The following TMEM79 variants were observed in gnomAD, a reference collection of about 807,000 sequenced individuals.
The protein encoded by TMEM79 is transmembrane protein 79.
A neutral mutation model predicts 31.2 loss-of-function variants in TMEM79; 30 were observed. That is an observed-to-expected ratio of 0.96 (90% CI 0.72 to 1.30). The LOEUF is 1.30. TMEM79 is among the 50% of genes most tolerant of loss of function. The probability of loss-of-function intolerance (pLI) is 0.00; values close to 1 mark genes in which losing one functional copy is unlikely to be tolerated. For synonymous variants in TMEM79, 213 were observed against 229.5 expected (o/e 0.93, Z 0.65); for missense variants, 509 against 528.2 (o/e 0.96, Z 0.36).
At chr1:156,283,136 C>G, upstream of TMEM79, 2 of 303,368 alleles carry the variant, frequency 6.6e-6, no homozygotes, top group Non-Finnish European at 6.0e-6. Context: ...CTGCCCCTTT[C>G]CCGCCTCCCC....
rs904959261 is a variant in TMEM79, at chr1:156,285,916, C to T, written c.690C>T (p.Pro230=). The change falls in exon 2 of 4, where the codon CCC becomes CCT. Residue 230 remains proline, a synonymous_variant. Transcript: ENST00000405535. ...TGCCGTTTGATGTCCCACGGCTGCC[C>T]ACCATGAGTTCCCGCCTGATCTACA... ...AFLPFDVPRL[P]TMSSRLIYTL... 2 of 1,509,480 alleles carry T rather than the reference C, an allele frequency of 1.3e-6. No homozygotes were observed. The highest frequency in any genetic ancestry group is 2.6e-5 in the East Asian group (1 of 38,914). The allele number at this position is 1,509,480 out of a possible 1,614,324, so 93.5% of individuals were successfully genotyped here.
intron 1 of TMEM79, among the ~76,000 whole-genome samples, 164 bp downstream of exon 1, chr1:156,284,570 A>G (rs1343550880): frequency 6.6e-6 from 1 of 152,172 alleles, no homozygotes; most frequent in Non-Finnish European, 1.5e-5. Context: ...AAATATCAGA[A>G]TAGCAGACCC....
upstream of TMEM79, chr1:156,284,255 G>A (rs1478237106): frequency 1.3e-5 from 2 of 152,174 alleles, no homozygotes; most frequent in Admixed American, 6.5e-5. Flanking sequence ...CCTTTAAGCT[G>A]GGCCCCACCT....
chr1:156,292,062 C>T lies in TMEM79; in HGVS notation c.*464C>T, dbSNP rs1281954286. On this transcript the variant is annotated 3_prime_UTR_variant, in exon 4 of 4. Coordinates refer to ENST00000405535, the MANE Select transcript of TMEM79 (RefSeq NM_032323.3). ...AGCGCCTCAGGGACGCTGGAAATGC[C>T]TTAAGGATAGAGGCTGGGCATCACA... 1.4e-5 allele frequency: 4 copies of T among 277,646 alleles called. No homozygotes were observed. The highest frequency in any genetic ancestry group is 4.7e-5 in the Admixed American group (1 of 21,070). 17.2% of individuals were successfully genotyped at this position (277,646 alleles called of 1,614,324 possible).
Position 156,285,186 on chromosome 1 carries a change from T to G in TMEM79, c.-41T>G. ...GAGCTTTCCTCTGTTCCCTGCAGGA[T>G]GACATGACCTTGTGGTAGATCCCAG... On this transcript the variant is annotated splice_region_variant and 5_prime_UTR_variant, in exon 2 of 4. The change abolishes an upstream ATG in the 5' untranslated region. Coordinates refer to ENST00000405535, the MANE Select transcript of TMEM79 (RefSeq NM_032323.3). 6.6e-7 allele frequency: 1 copy of G among 1,513,660 alleles called. No homozygotes were observed. The highest frequency in any genetic ancestry group is 8.8e-7 in the Non-Finnish European group (1 of 1,132,726). 93.8% of individuals were successfully genotyped at this position (1,513,660 alleles called of 1,614,324 possible). A position where few individuals can be genotyped will look rare whatever the true frequency, so the allele number is the denominator to read the frequency against.
chr1:156,291,879 G>A lies in TMEM79; in HGVS notation c.*281G>A, dbSNP rs1663349519. The A allele has an allele frequency of 6.8e-6, 4 of 590,754 alleles. No homozygotes were observed. In the South Asian group the frequency reaches 8.4e-5, roughly 12 times the overall value. 36.6% of individuals were successfully genotyped at this position (590,754 alleles called of 1,614,324 possible). ...TAAGGATGCTGAGGGCATGGGGCCA[G>A]GACCAGGGGAGAGGCACAGCTCCTT... On this transcript the variant is annotated 3_prime_UTR_variant, in exon 4 of 4. Transcript: ENST00000405535.
In TMEM79 at chr1:156,285,276, C is replaced by G; in HGVS notation, c.50C>G (p.Ser17Cys). 1 of 1,567,684 alleles carries G rather than the reference C, an allele frequency of 6.4e-7. No individual in the cohort carries two copies. The highest frequency in any genetic ancestry group is 8.6e-7 in the Non-Finnish European group (1 of 1,160,968). ...LALLEVKRSD[S>C]PEKSSPQALV... is the part of the protein sequence containing the mutation. ...CTACTGGAAGTGAAGAGGTCTGATT[C>G]CCCAGAGAAGAGCTCACCCCAGGCC... Residue 17 changes from serine (S) to cysteine (C), a missense_variant, in exon 2 of 4, where the codon TCC becomes TGC. Coordinates refer to ENST00000405535, the MANE Select transcript of TMEM79 (RefSeq NM_032323.3).
Position 156,285,677 on chromosome 1 carries a change from G to C in TMEM79, c.451G>C (p.Ala151Pro). Residue 151 changes from alanine to proline, a missense_variant, in exon 2 of 4, where the codon GCA becomes CCA. Transcript: ENST00000405535. ...AGAAGACCTTATCGTGCGCTGTGAGGCAGGCGAGGGCGAGTGCCGAACCTT... is the reference window on the plus strand; with the variant it reads ...AGAAGACCTTATCGTGCGCTGTGAGCCAGGCGAGGGCGAGTGCCGAACCTT... ...PQEDLIVRCE[A>P]GEGECRTFMP... 6.2e-7 allele frequency: 1 copy of C among 1,613,716 alleles called. No homozygotes were observed. Among genetic ancestry groups the C allele is most frequent in the Non-Finnish European group, 8.5e-7 (1 of 1,179,970 alleles).
chr1:156,292,046 G>C lies in TMEM79; in HGVS notation c.*448G>C. 3.2e-6 allele frequency: 1 copy of C among 313,486 alleles called. No individual in the cohort carries two copies. The highest frequency in any genetic ancestry group is 5.7e-5 in the East Asian group (1 of 17,666). 19.4% of individuals were successfully genotyped at this position (313,486 alleles called of 1,614,324 possible). On this transcript the variant is annotated 3_prime_UTR_variant, in exon 4 of 4. Coordinates refer to ENST00000405535, the MANE Select transcript of TMEM79 (RefSeq NM_032323.3). ...CCAGTTGTCTAAGCAGAGCGCCTCAGGGACGCTGGAAATGCCTTAAGGATA... is the reference window on the plus strand; with the variant it reads ...CCAGTTGTCTAAGCAGAGCGCCTCACGGACGCTGGAAATGCCTTAAGGATA...
chr1:156,287,720 G>A (rs1439464580), intron 3 of TMEM79, among the ~76,000 whole-genome samples: 2 of 149,074 alleles, frequency 1.3e-5, no homozygotes, highest in Non-Finnish European at 3.0e-5. Context: ...GGGTTCAAGC[G>A]ATTCTCCTGC....
intron 3 of TMEM79, among the ~76,000 whole-genome samples, chr1:156,288,197 CAAAA>C (rs537121886): frequency 3.5e-5 from 2 of 56,882 alleles, no homozygotes; most frequent in African/African-American, 6.2e-5. Context: ...GACTCCGTCT[CAAAA>C]AAAAAAAAAA....
In TMEM79 at chr1:156,291,560, C is replaced by G. The variant is rs1400149049; in HGVS notation, c.1147C>G (p.Arg383Gly). ...CCGCCTGGACTACCCGGACCACGCC[C>G]GCTCGGCCTCCGACTACAGGCCCCG... ...ESRLDYPDHA[R>G]SASDYRPRPW... Residue 383 changes from arginine to glycine, a missense_variant, in exon 4 of 4, where the codon CGC becomes GGC. Coordinates refer to ENST00000405535, the MANE Select transcript of TMEM79 (RefSeq NM_032323.3). 9 of 1,610,892 alleles carry G rather than the reference C, an allele frequency of 5.6e-6. No individual in the cohort carries two copies. The highest frequency in any genetic ancestry group is 7.6e-6 in the Non-Finnish European group (9 of 1,180,012).
chr1:156,288,912 G>A (rs546403434), intron 3 of TMEM79, among the ~76,000 whole-genome samples: 1 of 152,260 alleles, frequency 6.6e-6, no homozygotes, highest in East Asian at 1.9e-4. Context: ...AAATCATCAG[G>A]GAGCTAAAGG....
intron 3 of TMEM79, among the ~76,000 whole-genome samples, chr1:156,289,006 C>G (rs1466483210): frequency 1.3e-5 from 2 of 152,230 alleles, no homozygotes; most frequent in East Asian, 3.8e-4. Flanking sequence ...TTGCTCAGGT[C>G]AGTCGGCAAT....
intron 3 of TMEM79, among the ~76,000 whole-genome samples, chr1:156,286,818 T>C (rs1033935885): frequency 6.6e-6 from 1 of 152,186 alleles, no homozygotes; most frequent in African/African-American, 2.4e-5. Context: ...TAAAAATAGA[T>C]ATATTTTTTC....
upstream of TMEM79, among the ~76,000 whole-genome samples, chr1:156,283,868 T>C (rs1043677268): frequency 1.3e-5 from 2 of 152,208 alleles, no homozygotes; most frequent in African/African-American, 2.4e-5. Context: ...CCTATTAAAA[T>C]TGTCTAATTG....
rs756029840 is a variant in TMEM79 at position 156,285,512 on chromosome 1, G to A, written c.286G>A (p.Asp96Asn). 1.2e-6 allele frequency: 2 copies of A among 1,614,176 alleles called. No homozygotes were observed. The highest frequency in any genetic ancestry group is 1.7e-5 in the Admixed American group (1 of 60,030). Residue 96 changes from aspartate to asparagine, a missense_variant, in exon 2 of 4, where the codon GAC becomes AAC. Coordinates refer to ENST00000405535, the MANE Select transcript of TMEM79 (RefSeq NM_032323.3). ...GTTCCCGGATCCCCCTGGCTGGCGG[G>A]ACATTGAACCAGAGCCCCCTGAGTC... is the stretch of plus-strand genomic sequence containing the variant. Reference protein sequence around the residue: ...APFPDPPGWRDIEPEPPESEP... With the variant: ...APFPDPPGWRNIEPEPPESEP...
chr1:156,284,025 A>G (rs1022987401), upstream of TMEM79, among the ~76,000 whole-genome samples: 1 of 152,254 alleles, frequency 6.6e-6, no homozygotes, highest in South Asian at 2.1e-4. Context: ...GAATAAGTGT[A>G]CAAATTCCAT....
intron 3 of TMEM79, among the ~76,000 whole-genome samples, chr1:156,286,949 C>A (rs1203810462): frequency 2.0e-5 from 3 of 151,996 alleles, no homozygotes; most frequent in African/African-American, 7.3e-5. Context: ...ATGGTGAAAC[C>A]CTGTCTCTAC....
Sources: allele counts gnomAD v4.1 joint callset (sites outside exome capture counted in the v4.1 genomes callset), GRCh38; gene constraint gnomAD v4.1.1; transcripts MANE v1.5; gene names NCBI Gene and HGNC (gene_info 2026-07-23, HGNC 2026-07-21).